Variants in MALRD1 observed in about 807,000 individuals in gnomAD.
MALRD1 encodes MAM and LDL-receptor class A domain-containing protein 1.
Under a neutral mutation model 242.1 loss-of-function variants are expected in MALRD1, and 247 were observed. The observed-to-expected ratio is 1.02, with a 90% CI of 0.92 to 1.13. The LOEUF is 1.13. Among genes scored for constraint, MALRD1 ranks in the 50% most tolerant of loss-of-function variants. The pLI is 0.00. For missense variants in MALRD1, 2,989 were observed against 2,533.1 expected, an observed-to-expected ratio of 1.18 and a Z score of -3.86; for synonymous variants, 995 against 866.6, an observed-to-expected ratio of 1.15 and a Z score of -2.60.
chr10:19,482,682 CACACACACAT>C (rs1306383275), intron 29 of MALRD1, among the ~76,000 whole-genome samples: 40 of 151,630 alleles, frequency 2.6e-4, no homozygotes, highest in African/African-American at 8.9e-4. Flanking sequence ...CACACACACA[CACACACACAT>C]ACACACAAAG....
At chr10:19,296,881 A>G (rs557332864) in intron 21 of MALRD1, among the ~76,000 whole-genome samples, 39 of 151,954 alleles carry the variant, frequency 2.6e-4, no homozygotes, top group African/African-American at 8.9e-4. Flanking sequence ...TTAGTGAAGA[A>G]TCAGTTTGTT....
chr10:19,227,356 G>A (rs1837843164), intron 18 of MALRD1, among the ~76,000 whole-genome samples: 1 of 151,982 alleles, frequency 6.6e-6, no homozygotes, highest in African/African-American at 2.4e-5. Context: ...GGCCAAAGTT[G>A]CCGAAATAAT....
chr10:19,716,482 A>T (rs999105073), intron 38 of MALRD1, among the ~76,000 whole-genome samples: 8 of 152,156 alleles, frequency 5.3e-5, no homozygotes, highest in African/African-American at 1.9e-4. Flanking sequence ...ATATTTCCTC[A>T]GGCATCCCCA....
intron 19 of MALRD1, among the ~76,000 whole-genome samples, chr10:19,261,504 T>C (rs1468693045): frequency 2.0e-5 from 3 of 151,568 alleles, no homozygotes; most frequent in African/African-American, 7.3e-5. Flanking sequence ...TTTCATAGCA[T>C]CATGTTATCT....
chr10:19,180,497 C>T lies in MALRD1; in HGVS notation c.1951+5169C>T, dbSNP rs556211469. On this transcript the variant is annotated intron_variant, in intron 14 of 39. Transcript: ENST00000454679. ...AAATAGTCTCGTCAGTAAATGGTGC[C>T]GGAAAATCTGGACGTTCTCATGCGA... Among the ~76,000 whole-genome samples, 15 of 152,174 alleles carry T rather than the reference C, an allele frequency of 9.9e-5. No individual in the cohort carries two copies. The East Asian group carries it at 2.1e-3, about 22-fold the overall frequency.
At chr10:19,316,955 G>A (rs1359764852) in intron 21 of MALRD1, among the ~76,000 whole-genome samples, 2 of 151,554 alleles carry the variant, frequency 1.3e-5, no homozygotes, top group Non-Finnish European at 2.9e-5. Context: ...TGCTTGAGGA[G>A]ATAGATACCA....
chr10:19,412,486 T>C (rs1404466598), intron 28 of MALRD1, among the ~76,000 whole-genome samples: 1 of 152,164 alleles, frequency 6.6e-6, no homozygotes, highest in Non-Finnish European at 1.5e-5. Flanking sequence ...CTGATATAAC[T>C]AGAAAACCCA....
At chr10:19,048,685 G>A (rs938878374), upstream of MALRD1, 30 of 298,718 alleles carry the variant, frequency 1.0e-4, no homozygotes, top group East Asian at 1.6e-3. Flanking sequence ...GGCATACAGG[G>A]GGCAATAATC....
At chr10:19,564,136 A>G (rs1589244651) in intron 32 of MALRD1, among the ~76,000 whole-genome samples, 1 of 152,292 alleles carries the variant, frequency 6.6e-6, no homozygotes, top group Non-Finnish European at 1.5e-5. Context: ...ATTCCTTTAT[A>G]GAAATGCATG....
intron 28 of MALRD1, among the ~76,000 whole-genome samples, chr10:19,440,520 T>A (rs1199753856): frequency 2.6e-5 from 4 of 152,034 alleles, no homozygotes; most frequent in Admixed American, 2.0e-4. Flanking sequence ...CAGGACCCGA[T>A]GTGTGATGTT....
intron 11 of MALRD1, among the ~76,000 whole-genome samples, chr10:19,154,320 C>G (rs1834050624): frequency 6.6e-6 from 1 of 152,118 alleles, no homozygotes; most frequent in South Asian, 2.1e-4. Flanking sequence ...TGACTTGTAT[C>G]TAGGAAAATC....
chr10:19,520,031 A>T (rs1464944062), intron 31 of MALRD1, among the ~76,000 whole-genome samples: 2 of 152,114 alleles, frequency 1.3e-5, no homozygotes, highest in Non-Finnish European at 2.9e-5. Flanking sequence ...CTATTCACTG[A>T]GTGTCAATCA....
At chr10:19,064,271 T>A (rs976706002) in intron 1 of MALRD1, among the ~76,000 whole-genome samples, 1 of 152,230 alleles carries the variant, frequency 6.6e-6, no homozygotes, top group Non-Finnish European at 1.5e-5. Flanking sequence ...GCGTTATTAA[T>A]TCAAACTATT....
At position 19,088,146 on chromosome 10, in the gene MALRD1, G is replaced by C; in HGVS notation, c.558G>C (p.Glu186Asp). Reference sequence around the variant, plus strand: ...CAGCTGCACTCCCAAATCAGTGGGAGAGAAATGTCATCAAAATCCAGAGTT... The same window carrying C: ...CAGCTGCACTCCCAAATCAGTGGGACAGAAATGTCATCAAAATCCAGAGTT... ...QNTAALPNQWERNVIKIQSSQ... is the reference protein window; with the variant it reads ...QNTAALPNQWDRNVIKIQSSQ... Residue 186 changes from glutamate to aspartate, a missense_variant, in exon 4 of 40, where the codon GAG (glutamate) becomes GAC (aspartate). Coordinates refer to ENST00000454679, the MANE Select transcript of MALRD1 (RefSeq NM_001142308.3). The C allele has an allele frequency of 8.1e-7, 1 of 1,233,470 alleles. No individual in the cohort carries two copies. The highest frequency in any genetic ancestry group is 1.0e-6 in the Non-Finnish European group (1 of 987,864). The allele number at this position is 1,233,470 out of a possible 1,614,324, so 76.4% of individuals were successfully genotyped here. A position where few individuals can be genotyped will look rare whatever the true frequency, so the allele number is the denominator to read the frequency against.
At chr10:19,169,781 G>C (rs1056885414) in intron 13 of MALRD1, among the ~76,000 whole-genome samples, 1 of 152,172 alleles carries the variant, frequency 6.6e-6, no homozygotes, top group Non-Finnish European at 1.5e-5. Context: ...AATATTTAAA[G>C]TTTGTCTTCT....
At chr10:19,335,018 G>A (rs1342959397) in intron 24 of MALRD1, among the ~76,000 whole-genome samples, 1 of 151,940 alleles carries the variant, frequency 6.6e-6, no homozygotes, top group Non-Finnish European at 1.5e-5. Context: ...TCTGTATTAG[G>A]GAACGTATGC....
intron 36 of MALRD1, among the ~76,000 whole-genome samples, chr10:19,641,179 A>T (rs1041453503): frequency 6.6e-6 from 1 of 152,182 alleles, no homozygotes; most frequent in Non-Finnish European, 1.5e-5. Context: ...TGGTAGGATG[A>T]ATGTGACAAA....
rs75455520 is a variant in MALRD1, at chr10:19,461,505, C to A, written c.5029+11015C>A. On this transcript the variant is annotated intron_variant, in intron 29 of 39. Coordinates refer to ENST00000454679, the MANE Select transcript of MALRD1 (RefSeq NM_001142308.3). ...CATGTAAAGGTACAAGGAATCACAT[C>A]AATCAAGAATATGGTACAACGTCAG... Among the ~76,000 whole-genome samples, 790 of 152,132 alleles carry A rather than the reference C, an allele frequency of 5.2e-3. 6 individuals carry two copies. Among genetic ancestry groups the A allele is most frequent in the African/African-American group, 0.018 (749 of 41,476 alleles).
intron 1 of MALRD1, among the ~76,000 whole-genome samples, chr10:19,055,837 G>A (rs1209449512): frequency 1.3e-5 from 2 of 152,144 alleles, no homozygotes; most frequent in East Asian, 1.9e-4. Context: ...ACAGACACTG[G>A]GGACTACTGA....
Sources: allele counts gnomAD v4.1 joint callset (sites outside exome capture counted in the v4.1 genomes callset), GRCh38; gene constraint gnomAD v4.1.1; transcripts MANE v1.5; gene names NCBI Gene and HGNC (gene_info 2026-07-23, HGNC 2026-07-21).